ZFAND3: variants seen among roughly 807,000 people sequenced by gnomAD.
ZFAND3 encodes zinc finger AN1-type containing 3, also known as AN1-type zinc finger protein 3.
In ZFAND3, 10 loss-of-function variants were observed where a neutral mutation model predicts 29.6. The observed-to-expected ratio is 0.34, with a 90% CI of 0.21 to 0.57. The LOEUF (loss-of-function observed/expected upper bound fraction) is 0.57, where lower values mean the gene tolerates loss of function less well. ZFAND3 is among the 20% of genes least tolerant of loss of function. The pLI, the probability that ZFAND3 is intolerant of heterozygous loss-of-function variation, is 0.86. For synonymous variants in ZFAND3, 128 were observed against 112.6 expected, an observed-to-expected ratio of 1.14 and a Z score of -0.87; for missense variants, 230 against 304.5, an observed-to-expected ratio of 0.76 and a Z score of 1.82.
chr6:37,983,933 C>T lies in ZFAND3; in HGVS notation c.112+53934C>T, dbSNP rs1040609680. ...AAGATAACCCCATTGTTCAGCAACA[C>T]GTGACTTACTTTGGGCAGTGCAATG... On this transcript the variant is annotated intron_variant, in intron 2 of 5. Transcript: ENST00000287218. Among the ~76,000 whole-genome samples the T allele has an allele frequency of 7.9e-5, 12 of 152,246 alleles. 1 individual carries two copies. The highest frequency in any genetic ancestry group is 3.3e-4 in the Admixed American group (5 of 15,298).
Position 38,033,351 on chromosome 6 carries a change from G to T in ZFAND3, c.113-28242G>T, listed in dbSNP as rs868773761. Among the ~76,000 whole-genome samples, 3 of 152,142 alleles carry T rather than the reference G, an allele frequency of 2.0e-5. No homozygotes were observed. In the South Asian group the frequency reaches 6.2e-4, roughly 32 times the overall value. ...TTATTTTTTTAAAAAAGGAAATTTTGCCTTTCTCTGTGTAAATCAAGTTGA... is the reference window on the plus strand; with the variant it reads ...TTATTTTTTTAAAAAAGGAAATTTTTCCTTTCTCTGTGTAAATCAAGTTGA... On this transcript the variant is annotated intron_variant, in intron 2 of 5. Coordinates refer to ENST00000287218, the MANE Select transcript of ZFAND3 (RefSeq NM_021943.3).
intron 5 of ZFAND3, among the ~76,000 whole-genome samples, chr6:38,135,837 C>T (rs1330958848): frequency 6.6e-6 from 1 of 152,130 alleles, no homozygotes; most frequent in Non-Finnish European, 1.5e-5. Context: ...GGTGTGGACA[C>T]TTACTAGCAT....
At chr6:37,922,600 TAG>T (rs1369572086) in intron 1 of ZFAND3, among the ~76,000 whole-genome samples, 9 of 152,212 alleles carry the variant, frequency 5.9e-5, no homozygotes, top group Admixed American at 1.3e-4. Context: ...TTGAACATCA[TAG>T]AGTGTCCTTA....
At chr6:37,946,393 T>A (rs1025499694) in intron 2 of ZFAND3, among the ~76,000 whole-genome samples, 6 of 152,220 alleles carry the variant, frequency 3.9e-5, no homozygotes, top group Non-Finnish European at 8.8e-5. Context: ...AGTTTACATT[T>A]AGAGAAGCCC....
chr6:38,080,750 A>G (rs1416887533), intron 3 of ZFAND3, among the ~76,000 whole-genome samples: 2 of 152,138 alleles, frequency 1.3e-5, no homozygotes, highest in Non-Finnish European at 2.9e-5. Context: ...ACAGCATTTT[A>G]TGGAGCTATA....
intron 2 of ZFAND3, among the ~76,000 whole-genome samples, chr6:38,014,537 G>T (rs1222086664): frequency 6.6e-6 from 1 of 151,966 alleles, no homozygotes; most frequent in African/African-American, 2.4e-5. Flanking sequence ...ATATGAGTCA[G>T]GCTGGTCTTG....
intron 1 of ZFAND3, among the ~76,000 whole-genome samples, chr6:37,858,380 A>G (rs1424612330): frequency 1.3e-5 from 2 of 152,234 alleles, no homozygotes; most frequent in Admixed American, 6.5e-5. Flanking sequence ...CAGAATGCCA[A>G]CATGTGGTTG....
chr6:37,935,974 C>T (rs1275617829), intron 2 of ZFAND3, among the ~76,000 whole-genome samples: 1 of 152,126 alleles, frequency 6.6e-6, no homozygotes, highest in Non-Finnish European at 1.5e-5. Context: ...AGAAATGATA[C>T]TGCCTATGGT....
At chr6:38,003,768 A>T in intron 2 of ZFAND3, 1 of 448,622 alleles carries the variant, frequency 2.2e-6, no homozygotes, top group South Asian at 1.6e-5. Context: ...AGCCTCCCAA[A>T]GTGCTGGGAT....
At chr6:37,977,888 CTCTCCTCTCCTCTCCT>C (rs1762515728) in intron 2 of ZFAND3, among the ~76,000 whole-genome samples, 47 of 127,034 alleles carry the variant, frequency 3.7e-4, no homozygotes, top group Non-Finnish European at 6.1e-4. Flanking sequence ...TCCTTCCTTT[CTCTCCTCTCCTCTCCT>C]CTTCCTTTCT....
chr6:37,890,784 A>C (rs985486952), intron 1 of ZFAND3, among the ~76,000 whole-genome samples: 7 of 152,226 alleles, frequency 4.6e-5, no homozygotes, highest in Non-Finnish European at 1.0e-4. Flanking sequence ...TGAGATTTGA[A>C]TATCAACATA....
chr6:38,105,425 G>A (rs938024536), intron 4 of ZFAND3, among the ~76,000 whole-genome samples: 1 of 152,150 alleles, frequency 6.6e-6, no homozygotes, highest in Non-Finnish European at 1.5e-5. Flanking sequence ...TTTTTTTAAT[G>A]AGTTTGGACA....
At chr6:38,089,284 C>T (rs2127473345) in intron 4 of ZFAND3, among the ~76,000 whole-genome samples, 1 of 152,120 alleles carries the variant, frequency 6.6e-6, no homozygotes, top group African/African-American at 2.4e-5. Context: ...CCTGCCACCA[C>T]ACCCGGCTAA....
intron 2 of ZFAND3, among the ~76,000 whole-genome samples, chr6:37,991,656 A>G (rs970284522): frequency 6.6e-6 from 1 of 152,128 alleles, no homozygotes; most frequent in Admixed American, 6.6e-5. Context: ...GGGAAATTTC[A>G]CTTGCCCCTG....
At position 37,930,015 on chromosome 6, in the gene ZFAND3, G is replaced by A. The variant is rs183455003; in HGVS notation, c.112+16G>A. The A allele has an allele frequency of 1.9e-4, 305 of 1,564,364 alleles. 5 individuals are homozygous for A. The Admixed American group carries it at 5.5e-3, about 28-fold the overall frequency. ...TGCTTTGCTGGTAAGTGCAGAAAAA[G>A]GGTTTTTTAATTTACTTTCATTTTT... On this transcript the variant is annotated intron_variant, in intron 2 of 5. Transcript: ENST00000287218.
chr6:37,857,600 G>A (rs1764408675), intron 1 of ZFAND3, among the ~76,000 whole-genome samples: 1 of 152,174 alleles, frequency 6.6e-6, no homozygotes, highest in Non-Finnish European at 1.5e-5. Flanking sequence ...CATATGGAGG[G>A]TTTGTAGAGT....
intron 2 of ZFAND3, among the ~76,000 whole-genome samples, chr6:37,935,412 A>G (rs532419943): frequency 1.3e-5 from 2 of 152,308 alleles, no homozygotes; most frequent in South Asian, 4.1e-4. Context: ...AAATAAGTAA[A>G]TGAATATAAA....
At chr6:38,056,935 A>G (rs1224569063) in intron 2 of ZFAND3, among the ~76,000 whole-genome samples, 2 of 152,238 alleles carry the variant, frequency 1.3e-5, no homozygotes, top group Non-Finnish European at 2.9e-5. Context: ...AGTTTTTACA[A>G]GTAACAGTTT....
At chr6:37,951,808 T>G (rs1034501982) in intron 2 of ZFAND3, among the ~76,000 whole-genome samples, 2 of 152,164 alleles carry the variant, frequency 1.3e-5, no homozygotes, top group Admixed American at 1.3e-4. Flanking sequence ...TTTGCCTGTT[T>G]AGTATGATGT....
Sources: gnomAD v4.1 joint callset for allele counts (sites outside exome capture counted in the v4.1 genomes callset) on GRCh38, gnomAD v4.1.1 for gene constraint, MANE v1.5 for transcripts, NCBI Gene and HGNC (gene_info 2026-07-23, HGNC 2026-07-21) for gene names.